The following MGMT variants were observed in gnomAD, a reference collection of about 807,000 sequenced individuals.
MGMT encodes methylated-DNA--protein-cysteine methyltransferase.
A neutral mutation model predicts 15.9 loss-of-function variants in MGMT; 14 were observed. That is an observed-to-expected ratio of 0.88 (90% CI 0.58 to 1.37). The LOEUF (loss-of-function observed/expected upper bound fraction) is 1.37. Ranked by LOEUF, MGMT falls within the 40% of genes most tolerant of loss-of-function variation. MGMT has a pLI of 0.00. For synonymous variants in MGMT, 130 were observed against 118.2 expected (o/e 1.10, Z -0.65); for missense variants, 282 against 268.1 (o/e 1.05, Z -0.36).
intron 2 of MGMT, among the ~76,000 whole-genome samples, chr10:129,638,556 C>T (rs1388274428): frequency 1.3e-5 from 2 of 151,174 alleles, no homozygotes; most frequent in Non-Finnish European, 2.9e-5. Context: ...TATAAAGAAC[C>T]AGTGGTCATA....
At position 129,747,215 on chromosome 10, in the gene MGMT, A is replaced by G. The variant is rs564979595; in HGVS notation, c.275-11987A>G. ...TTTCCTGGGTATTTTCCCATAGACAATTATGTTGTCTGCAAATAGGGAGAG... is the reference window on the plus strand; with the variant it reads ...TTTCCTGGGTATTTTCCCATAGACAGTTATGTTGTCTGCAAATAGGGAGAG... On this transcript the variant is annotated intron_variant, in intron 3 of 4. Coordinates refer to ENST00000651593, the MANE Select transcript of MGMT (RefSeq NM_002412.5). Among the ~76,000 whole-genome samples the G allele has an allele frequency of 4.6e-5, 7 of 152,140 alleles. No homozygotes were observed. In the East Asian group the frequency reaches 1.3e-3, roughly 29 times the overall value.
Position 129,472,744 on chromosome 10 carries a change from C to T in MGMT, c.-13+5448C>T, listed in dbSNP as rs527891680. On this transcript the variant is annotated intron_variant, in intron 1 of 4. Transcript: ENST00000651593. ...CCTGAATGAAGGCGGTTGGTGTTTG[C>T]GGATGCAGAGTCGCTCTGTTTTGGT... 4.6e-5 allele frequency among the ~76,000 whole-genome samples: 7 copies of T among 152,144 alleles called. No homozygotes were observed. The South Asian group carries it at 8.3e-4, about 18-fold the overall frequency.
intron 2 of MGMT, among the ~76,000 whole-genome samples, chr10:129,642,132 A>AT (rs1299080288): frequency 6.6e-6 from 1 of 151,952 alleles, no homozygotes; most frequent in African/African-American, 2.4e-5. Context: ...CTCAGTGGGC[A>AT]TTTCCTACAG....
At chr10:129,753,988 A>G (rs1362092501) in intron 3 of MGMT, among the ~76,000 whole-genome samples, 2 of 152,130 alleles carry the variant, frequency 1.3e-5, no homozygotes, top group Non-Finnish European at 1.5e-5. Context: ...CCAGCCTTCA[A>G]TATTTGTTCA....
chr10:129,536,570 C>G (rs993439753), intron 2 of MGMT, 193 bp downstream of exon 2: 1 of 615,274 alleles, frequency 1.6e-6, no homozygotes, highest in African/African-American at 1.9e-5. Flanking sequence ...GTGTGTTGCC[C>G]AGGAGCTCTC....
In MGMT at chr10:129,556,543, C is replaced by A. The variant is rs1369245068; in HGVS notation, c.125+20166C>A. On this transcript the variant is annotated intron_variant, in intron 2 of 4. Transcript: ENST00000651593. This position sits in a 1 kb window ranked among gnomAD's most constrained non-coding sequence, Gnocchi z 4.3. ...CGTCAGGGCAGCCCTGGCGGAAGAACGCAGCCTCGTCGGTGGGTTTGGTGA... is the reference window on the plus strand; with the variant it reads ...CGTCAGGGCAGCCCTGGCGGAAGAAAGCAGCCTCGTCGGTGGGTTTGGTGA... Among the ~76,000 whole-genome samples, 1 of 152,190 alleles carries A rather than the reference C, an allele frequency of 6.6e-6. No homozygotes were observed. Among genetic ancestry groups the A allele is most frequent in the Non-Finnish European group, 1.5e-5 (1 of 68,044 alleles).
chr10:129,474,201 G>A (rs557639216), intron 1 of MGMT, among the ~76,000 whole-genome samples: 84 of 152,334 alleles, frequency 5.5e-4, no homozygotes, highest in African/African-American at 1.9e-3. Context: ...CAAATGCTGC[G>A]CTGGGTGAAG....
At position 129,704,361 on chromosome 10, in the gene MGMT, C is replaced by G. The variant is rs369137341; in HGVS notation, c.126-3534C>G. 3.9e-4 allele frequency among the ~76,000 whole-genome samples: 59 copies of G among 152,222 alleles called. No homozygotes were observed. The East Asian group carries it at 0.011, about 28-fold the overall frequency. ...GAGTGAGCCCGGCTTCCCCCAGGGCCTCTTTGTGACGGGACCGACAAGGGT... is the reference window on the plus strand; with the variant it reads ...GAGTGAGCCCGGCTTCCCCCAGGGCGTCTTTGTGACGGGACCGACAAGGGT... On this transcript the variant is annotated intron_variant, in intron 2 of 4. Coordinates refer to ENST00000651593, the MANE Select transcript of MGMT (RefSeq NM_002412.5).
intron 1 of MGMT, among the ~76,000 whole-genome samples, chr10:129,514,902 G>C (rs1336898281): frequency 6.6e-6 from 1 of 152,246 alleles, no homozygotes; most frequent in East Asian, 1.9e-4. Context: ...CAGTGAGCAT[G>C]CCCCACCCGG....
At chr10:129,597,579 C>T (rs74364950) in intron 2 of MGMT, among the ~76,000 whole-genome samples, 4,854 of 152,258 alleles carry the variant, frequency 0.032, 128 homozygotes, top group South Asian at 0.066. Context: ...TCCCTTACCC[C>T]CTTATTTTTG....
chr10:129,715,987 C>T (rs747013978), intron 3 of MGMT, among the ~76,000 whole-genome samples: 33 of 152,282 alleles, frequency 2.2e-4, no homozygotes, highest in South Asian at 4.2e-4. Context: ...AGGTACGCGG[C>T]GGTCAGTGTA....
chr10:129,708,717 G>A (rs565155056), intron 3 of MGMT, among the ~76,000 whole-genome samples: 1 of 152,248 alleles, frequency 6.6e-6, no homozygotes, highest in Non-Finnish European at 1.5e-5. Context: ...TTTGCATAGT[G>A]AGTTTTTCAT....
At chr10:129,512,124 T>A (rs1845690433) in intron 1 of MGMT, among the ~76,000 whole-genome samples, 1 of 152,180 alleles carries the variant, frequency 6.6e-6, no homozygotes, top group Non-Finnish European at 1.5e-5. Flanking sequence ...AAACAGGCCC[T>A]GATTCTGCCC....
chr10:129,733,636 T>G (rs1045178739), intron 3 of MGMT, among the ~76,000 whole-genome samples: 1 of 152,154 alleles, frequency 6.6e-6, no homozygotes, highest in Non-Finnish European at 1.5e-5. Context: ...TCCTTGCCCA[T>G]GCCTATGTCC....
chr10:129,768,400 G>A lies in MGMT; in HGVS notation c.*1403G>A, dbSNP rs188459965. The stretch of plus-strand genomic sequence containing the variant: ...GTCACACAGCGGGTCACGTAGACAC[G>A]TGCTGTTTTGTGGGACAGGCCCTGG... On this transcript the variant is annotated 3_prime_UTR_variant, in exon 5 of 5. Coordinates refer to ENST00000651593, the MANE Select transcript of MGMT (RefSeq NM_002412.5). Among the ~76,000 whole-genome samples the A allele has an allele frequency of 1.0e-3, 158 of 152,360 alleles. 1 individual carries two copies. The highest frequency in any genetic ancestry group is 3.4e-3 in the Middle Eastern group (1 of 294).
In MGMT at chr10:129,472,547, A is replaced by G. The variant is rs193007840; in HGVS notation, c.-13+5251A>G. Among the ~76,000 whole-genome samples the G allele has an allele frequency of 1.5e-4, 23 of 152,294 alleles. No homozygotes were observed. In the East Asian group the frequency reaches 3.3e-3, roughly 22 times the overall value. ...CCAAGCCCTCACTGGGGGCATGTGCACGGTGGTCAGAAGTGCACCTTCTGG... is the reference window on the plus strand; with the variant it reads ...CCAAGCCCTCACTGGGGGCATGTGCGCGGTGGTCAGAAGTGCACCTTCTGG... On this transcript the variant is annotated intron_variant, in intron 1 of 4. Coordinates refer to ENST00000651593, the MANE Select transcript of MGMT (RefSeq NM_002412.5).
intron 2 of MGMT, among the ~76,000 whole-genome samples, chr10:129,572,038 A>C (rs1564856279): frequency 6.6e-6 from 1 of 152,178 alleles, no homozygotes; most frequent in African/African-American, 2.4e-5. Context: ...CCAGGGCTTT[A>C]ATTAAGCTAT....
rs955453409 is a variant in MGMT at position 129,515,210 on chromosome 10, C to T, written c.-12-21031C>T. Among the ~76,000 whole-genome samples, 6 of 152,222 alleles carry T rather than the reference C, an allele frequency of 3.9e-5. No individual in the cohort carries two copies. In the South Asian group the frequency reaches 6.2e-4, roughly 16 times the overall value. ...CAGCCTGGTGTCTCGTCTGAGAGGACACGTGTGCAGGACAGGCGGGACCCA... is the reference window on the plus strand; with the variant it reads ...CAGCCTGGTGTCTCGTCTGAGAGGATACGTGTGCAGGACAGGCGGGACCCA... On this transcript the variant is annotated intron_variant, in intron 1 of 4. Coordinates refer to ENST00000651593, the MANE Select transcript of MGMT (RefSeq NM_002412.5).
chr10:129,592,511 A>G (rs1026840373), intron 2 of MGMT, among the ~76,000 whole-genome samples: 1 of 152,234 alleles, frequency 6.6e-6, no homozygotes, highest in African/African-American at 2.4e-5. Context: ...TCCAAAATGC[A>G]GGCTAGGTGA....
Sources: allele counts gnomAD v4.1 joint callset (sites outside exome capture counted in the v4.1 genomes callset), GRCh38; gene constraint gnomAD v4.1.1; non-coding constraint Gnocchi (gnomAD v3.1); transcripts MANE v1.5; gene names NCBI Gene and HGNC (gene_info 2026-07-23, HGNC 2026-07-21).